Variants in KALRN observed in about 807,000 individuals in gnomAD.
KALRN encodes the protein kalirin RhoGEF kinase, also known as kalirin.
A neutral mutation model predicts 353.7 loss-of-function variants in KALRN; 70 were observed. That is an observed-to-expected ratio of 0.20 (90% CI 0.16 to 0.24). KALRN has a LOEUF of 0.24. KALRN is among the 10% of genes least tolerant of loss of function. KALRN has a pLI of 1.00. For synonymous variants in KALRN, 1,391 were observed against 1,434.8 expected (o/e 0.97, Z 0.69); for missense variants, 2,791 against 3,756.7 (o/e 0.74, Z 6.72).
At chr3:124,051,606 G>A (rs2041052925) in intron 1 of KALRN, among the ~76,000 whole-genome samples, 1 of 152,190 alleles carries the variant, frequency 6.6e-6, no homozygotes, top group African/African-American at 2.4e-5. Context: ...TGGTGGTGGA[G>A]TTGTTTGGTT....
At chr3:124,275,446 A>T (rs1191532745) in intron 5 of KALRN, among the ~76,000 whole-genome samples, 2 of 152,194 alleles carry the variant, frequency 1.3e-5, no homozygotes, top group African/African-American at 4.8e-5. Context: ...TTGGGTAATT[A>T]TGAAAAATAA....
At chr3:124,507,281 A>T (rs1023510542) in intron 33 of KALRN, among the ~76,000 whole-genome samples, 6 of 152,142 alleles carry the variant, frequency 3.9e-5, no homozygotes, top group Non-Finnish European at 1.5e-5. Context: ...CTTAAAGGGG[A>T]ATGCTTACTG....
chr3:124,562,408 G>A (rs544229890), intron 33 of KALRN, among the ~76,000 whole-genome samples: 4 of 152,246 alleles, frequency 2.6e-5, no homozygotes, highest in African/African-American at 9.6e-5. Context: ...TCTGAGGGTG[G>A]TAGTCAGGGC....
At chr3:124,062,650 C>T (rs958016270) in intron 1 of KALRN, among the ~76,000 whole-genome samples, 4 of 152,224 alleles carry the variant, frequency 2.6e-5, no homozygotes, top group Admixed American at 1.3e-4. Flanking sequence ...TTTCTTCTCT[C>T]ATCACTTTCT....
chr3:124,347,065 C>T, intron 9 of KALRN, 78 bp from the exon 10 acceptor site: 2 of 1,600,054 alleles, frequency 1.2e-6, no homozygotes, highest in South Asian at 1.1e-5. Flanking sequence ...GTGGTTAGGA[C>T]TCTAGCAGTT....
chr3:124,522,520 A>G (rs1027027387), intron 33 of KALRN, among the ~76,000 whole-genome samples: 1 of 152,328 alleles, frequency 6.6e-6, no homozygotes, highest in Middle Eastern at 3.4e-3. Flanking sequence ...GGCATGTACC[A>G]ATGCCCAATT....
At chr3:124,487,108 C>T (rs1288662367) in intron 28 of KALRN, among the ~76,000 whole-genome samples, 3 of 152,146 alleles carry the variant, frequency 2.0e-5, no homozygotes, top group African/African-American at 7.2e-5. Flanking sequence ...CCTGCCCCCT[C>T]GAGGAGAGAG....
At chr3:124,291,885 T>C (rs977789312) in intron 5 of KALRN, among the ~76,000 whole-genome samples, 1 of 152,188 alleles carries the variant, frequency 6.6e-6, no homozygotes, top group Non-Finnish European at 1.5e-5. Context: ...CAAGCAGAGC[T>C]TCAAGAGATA....
chr3:124,522,863 C>T (rs1318866716), intron 33 of KALRN, among the ~76,000 whole-genome samples: 3 of 152,130 alleles, frequency 2.0e-5, no homozygotes, highest in Non-Finnish European at 4.4e-5. Context: ...ACAGCAGAAT[C>T]GTTTAAAAAT....
At chr3:124,285,239 A>G (rs1001587847) in intron 5 of KALRN, among the ~76,000 whole-genome samples, 1 of 152,124 alleles carries the variant, frequency 6.6e-6, no homozygotes, top group Non-Finnish European at 1.5e-5. Flanking sequence ...TGTTCAATAT[A>G]CTACTCTAGA....
chr3:124,418,295 C>T (rs960412232), intron 14 of KALRN, among the ~76,000 whole-genome samples: 15 of 152,156 alleles, frequency 9.9e-5, no homozygotes, highest in African/African-American at 3.6e-4. Flanking sequence ...CTGGGAACTT[C>T]TTAAAAATAC....
chr3:124,395,678 A>T, intron 12 of KALRN: 1 of 298,506 alleles, frequency 3.4e-6, no homozygotes, highest in Non-Finnish European at 6.4e-6. Flanking sequence ...CATGCAGAGA[A>T]ATAGACATTA....
In KALRN at chr3:124,492,638, A is replaced by T. The variant is rs1307100142; in HGVS notation, c.4690-102A>T. The T allele has an allele frequency of 4.0e-6, 5 of 1,236,148 alleles. No individual in the cohort carries two copies. The African/African-American group carries it at 4.5e-5, about 11-fold the overall frequency. The allele number at this position is 1,236,148 out of a possible 1,614,324, so 76.6% of individuals were successfully genotyped here. On this transcript the variant is annotated intron_variant, in intron 31 of 59. Transcript: ENST00000682506. The stretch of plus-strand genomic sequence containing the variant: ...GAAATAAACTCCCCAGACATTTGGA[A>T]TCCTTGAAAATAACAGATGAAGACT...
intron 1 of KALRN, among the ~76,000 whole-genome samples, chr3:124,149,852 A>G (rs2149877791): frequency 6.6e-6 from 1 of 152,366 alleles, no homozygotes; most frequent in Non-Finnish European, 1.5e-5. Context: ...ACGGCAGAGT[A>G]GGGAAACATC....
intron 49 of KALRN, among the ~76,000 whole-genome samples, chr3:124,676,983 AG>A (rs1559834057): frequency 6.6e-6 from 1 of 152,214 alleles, no homozygotes; most frequent in East Asian, 1.9e-4. Flanking sequence ...CCTGCTCAGA[AG>A]GTTGAACCTG....
chr3:124,655,707 C>T (rs1401488472), intron 39 of KALRN, 40 bp downstream of exon 39: 1 of 1,509,132 alleles, frequency 6.6e-7, no homozygotes, highest in Non-Finnish European at 9.2e-7. Context: ...GTCACCCAAC[C>T]AGGAGCACGT....
chr3:124,125,552 C>T (rs1035447749), intron 1 of KALRN, among the ~76,000 whole-genome samples: 9 of 152,138 alleles, frequency 5.9e-5, no homozygotes, highest in African/African-American at 1.7e-4. Context: ...GCTCTGGTGC[C>T]GTGCCTGGCA....
intron 5 of KALRN, among the ~76,000 whole-genome samples, chr3:124,271,332 A>C (rs138304060): frequency 1.2e-3 from 186 of 152,286 alleles, no homozygotes; most frequent in African/African-American, 4.3e-3. Flanking sequence ...GCTCAAGGAC[A>C]TGGGAAGCCT....
chr3:124,043,362 C>T (rs1403871677), intron 1 of KALRN, among the ~76,000 whole-genome samples: 1 of 151,478 alleles, frequency 6.6e-6, no homozygotes, highest in Non-Finnish European at 1.5e-5. Context: ...TATGTGAATA[C>T]CTAGGGATAG....
Sources: allele counts gnomAD v4.1 joint callset (sites outside exome capture counted in the v4.1 genomes callset), GRCh38; gene constraint gnomAD v4.1.1; transcripts MANE v1.5; gene names NCBI Gene and HGNC (gene_info 2026-07-23, HGNC 2026-07-21).